The following CLCNKB variants were observed in gnomAD, a reference collection of about 807,000 sequenced individuals.
CLCNKB encodes the protein chloride voltage-gated channel Kb, also known as chloride channel protein ClC-Kb.
Under a neutral mutation model 83.8 loss-of-function variants are expected in CLCNKB, and 74 were observed. The ratio of observed to expected loss-of-function variants is 0.88; its 90% CI spans 0.73 to 1.07. CLCNKB has a LOEUF of 1.07. Among genes scored for constraint, CLCNKB ranks in the 50% least tolerant of loss-of-function variants. The pLI is 0.00. For synonymous variants in CLCNKB, 358 were observed against 356.6 expected (o/e 1.00, Z -0.04); for missense variants, 798 against 893.6 (o/e 0.89, Z 1.36).
intron 2 of CLCNKB, among the ~76,000 whole-genome samples, chr1:16,044,848 C>G (rs1209521803): frequency 6.6e-6 from 1 of 152,234 alleles, no homozygotes; most frequent in Non-Finnish European, 1.5e-5. Context: ...TGCCCATCTT[C>G]CACCCAGGCC....
intron 15 of CLCNKB, 74 bp downstream of exon 15, chr1:16,052,485 G>T: frequency 2.1e-5 from 33 of 1,593,006 alleles, no homozygotes; most frequent in East Asian, 1.3e-4. Flanking sequence ...AGGGCACCTC[G>T]AAAAAGAAAC....
rs2023322500 is a variant in CLCNKB, at chr1:16,052,376, G to C, written c.1587G>C (p.Leu529=). The part of the protein sequence containing the change: ...FYDGTVIVKK[L]PYLPRILGRN... ...ATGGCACCGTCATTGTCAAGAAGCT[G>C]CCATACCTGCCACGGATTCTGGGCC... Residue 529 remains leucine (L), a synonymous_variant, in exon 15 of 20, where the codon CTG becomes CTC. Transcript: ENST00000375679. The C allele has an allele frequency of 1.9e-6, 3 of 1,613,330 alleles. No individual in the cohort carries two copies. The highest frequency in any genetic ancestry group is 2.5e-6 in the Non-Finnish European group (3 of 1,180,044).
In CLCNKB at chr1:16,055,413, TGG is replaced by T; in HGVS notation, c.1757-21_1757-20del. On this transcript the variant is annotated intron_variant, in intron 16 of 19. Coordinates refer to ENST00000375679, the MANE Select transcript of CLCNKB (RefSeq NM_000085.5). The stretch of plus-strand genomic sequence containing the variant: ...TGTTTCCTCCTAATGTGCCTCCCTC[TGG>T]CTGTCTCTCCACTTGCCAGAGTCCC... 6.2e-7 allele frequency: 1 copy of T among 1,605,386 alleles called. No individual in the cohort carries two copies. The highest frequency in any genetic ancestry group is 8.5e-7 in the Non-Finnish European group (1 of 1,172,522).
At chr1:16,052,600 G>T (rs192196340) in intron 15 of CLCNKB, among the ~76,000 whole-genome samples, 189 bp downstream of exon 15, 444 of 152,322 alleles carry the variant, frequency 2.9e-3, no homozygotes, top group Non-Finnish European at 5.3e-3. Flanking sequence ...TGGCCTTGAG[G>T]CCTCAGTGTC....
chr1:16,049,342 C>T, intron 8 of CLCNKB, 97 bp downstream of exon 8: 9 of 1,558,812 alleles, frequency 5.8e-6, no homozygotes, highest in Non-Finnish European at 6.9e-6. Flanking sequence ...TCTTCCTTTC[C>T]CTCTCTCTCC....
Position 16,053,474 on chromosome 1 carries a change from T to C in CLCNKB, c.1623-165T>C, listed in dbSNP as rs182505261. 6.8e-4 allele frequency among the ~76,000 whole-genome samples: 104 copies of C among 152,240 alleles called. 1 individual carries two copies. Among genetic ancestry groups the C allele is most frequent in the African/African-American group, 1.7e-3 (72 of 41,532 alleles). On this transcript the variant is annotated intron_variant, in intron 15 of 19. Coordinates refer to ENST00000375679, the MANE Select transcript of CLCNKB (RefSeq NM_000085.5). ...GGCGATGTGGTCCCCAGGTTTCCTCTCACCGTGGGTTCTAGGAGTCCCTCA... is the reference window on the plus strand; with the variant it reads ...GGCGATGTGGTCCCCAGGTTTCCTCCCACCGTGGGTTCTAGGAGTCCCTCA...
intron 14 of CLCNKB, 60 bp from the exon 15 acceptor site, chr1:16,052,138 T>A: frequency 6.2e-7 from 1 of 1,603,726 alleles, no homozygotes; most frequent in Non-Finnish European, 8.5e-7. Context: ...CGTGCCAGCC[T>A]TGCCCTAACA....
At chr1:16,054,551 CA>C (rs2023386189) in intron 16 of CLCNKB, among the ~76,000 whole-genome samples, 1 of 152,160 alleles carries the variant, frequency 6.6e-6, no homozygotes, top group African/African-American at 2.4e-5. Context: ...AAGTAGGGAT[CA>C]AGAGAGTATA....
At chr1:16,055,634 G>A (rs756342211) in intron 17 of CLCNKB, 41 bp from the exon 18 acceptor site, 2 of 1,607,050 alleles carry the variant, frequency 1.2e-6, no homozygotes, top group South Asian at 2.2e-5. Flanking sequence ...AGGCATCCTG[G>A]GGAGGCCAGC....
At chr1:16,045,509 T>A (rs1268285022) in intron 2 of CLCNKB, 49 bp from the exon 3 acceptor site, 11 of 1,606,762 alleles carry the variant, frequency 6.8e-6, no homozygotes, top group African/African-American at 1.3e-5. Context: ...GATGGGACTG[T>A]CTGTGCCTCC....
In CLCNKB at chr1:16,047,835, A is replaced by G. The variant is rs945403; in HGVS notation, c.359-70A>G. 0.92 allele frequency: 1,398,786 copies of G among 1,513,856 alleles called. 650,994 individuals carry two copies. The highest frequency in any genetic ancestry group is 1 in the East Asian group (44,303 of 44,320). 93.8% of individuals were successfully genotyped at this position (1,513,856 alleles called of 1,614,324 possible). ...GGCGAGATCGTAATGTGAAAACATC[A>G]CACAGGTAGAGTGTTGAGATTTTTA... On this transcript the variant is annotated intron_variant, in intron 4 of 19. Coordinates refer to ENST00000375679, the MANE Select transcript of CLCNKB (RefSeq NM_000085.5).
intron 4 of CLCNKB, 145 bp from the exon 5 acceptor site, chr1:16,047,760 T>A (rs2023141986): frequency 1.0e-6 from 1 of 976,226 alleles, no homozygotes; most frequent in African/African-American, 1.6e-5. Context: ...CAGAGCAAGA[T>A]CTTGTCCCCA....
At chr1:16,050,433 C>A (rs2023250226) in intron 10 of CLCNKB, 83 bp from the exon 11 acceptor site, 1 of 1,457,908 alleles carries the variant, frequency 6.9e-7, no homozygotes. Context: ...CCTCCCCAGT[C>A]CTTGCCTTGC....
intron 16 of CLCNKB, among the ~76,000 whole-genome samples, chr1:16,054,331 C>T (rs1316523518): frequency 3.3e-5 from 5 of 152,198 alleles, no homozygotes; most frequent in Non-Finnish European, 7.3e-5. Context: ...TCCCCCTGTG[C>T]AAGTGAGACA....
chr1:16,053,592 C>G, intron 15 of CLCNKB, 47 bp from the exon 16 acceptor site: 1 of 1,613,474 alleles, frequency 6.2e-7, no homozygotes, highest in East Asian at 2.2e-5. Flanking sequence ...CAGCCTGGGT[C>G]TCACATCCCT....
chr1:16,048,742 G>A (rs542184080), intron 7 of CLCNKB, 160 bp downstream of exon 7: 11 of 1,478,006 alleles, frequency 7.4e-6, no homozygotes, highest in Non-Finnish European at 9.0e-6. Context: ...CCACCGGGGG[G>A]AGGGGGGGCG....
chr1:16,048,039 A>G lies in CLCNKB; in HGVS notation c.493A>G (p.Lys165Glu), dbSNP rs1233711744. The G allele has an allele frequency of 3.1e-6, 5 of 1,613,268 alleles. No individual in the cohort carries two copies. In the African/African-American group the frequency reaches 4.0e-5, roughly 13 times the overall value. ...CTGTGGCAGCACCCTCTTCCTCGGG[A>G]AAGTGGTATGGGCAGGGGTGAGGGC... Reference protein sequence around the residue: ...LACGSTLFLGKVGPFVHLSVM... With the variant: ...LACGSTLFLGEVGPFVHLSVM... Residue 165 changes from lysine to glutamate, a missense_variant, in exon 5 of 20, where the codon AAA becomes GAA. Physicochemically the swap from Lys to Glu is moderately conservative, Grantham distance 56 (BLOSUM62 1). Transcript: ENST00000375679.
chr1:16,047,540 C>T (rs141987654), intron 4 of CLCNKB, among the ~76,000 whole-genome samples: 18 of 152,210 alleles, frequency 1.2e-4, no homozygotes, highest in Admixed American at 8.5e-4. Context: ...CTTTGGGAGG[C>T]GGAAGTGGAC....
rs2023318184 is a variant in CLCNKB, at chr1:16,052,268, C to T, written c.1479C>T (p.Gly493=). 1 of 1,613,238 alleles carries T rather than the reference C, an allele frequency of 6.2e-7. No individual in the cohort carries two copies. The highest frequency in any genetic ancestry group is 1.3e-5 in the African/African-American group (1 of 74,926). The change falls in exon 15 of 20, where the codon GGC becomes GGT. Residue 493 remains glycine (G), a synonymous_variant. Coordinates refer to ENST00000375679, the MANE Select transcript of CLCNKB (RefSeq NM_000085.5). ...CGCTGCTGGCCTTCGAGGTGACCGG[C>T]CAGATAGTGCATGCACTGCCCGTGC... ...STALLAFEVT[G]QIVHALPVLM... is the part of the protein sequence containing the mutation.
Sources: allele counts gnomAD v4.1 joint callset (sites outside exome capture counted in the v4.1 genomes callset), GRCh38; gene constraint gnomAD v4.1.1; transcripts MANE v1.5; gene names NCBI Gene and HGNC (gene_info 2026-07-23, HGNC 2026-07-21).